ITFG1: variants seen among roughly 807,000 people sequenced by gnomAD.
ITFG1 encodes integrin alpha FG-GAP repeat containing 1, also known as T-cell immunomodulatory protein.
In ITFG1, 34 loss-of-function variants were observed where a neutral mutation model predicts 81.8. The ratio of observed to expected loss-of-function variants is 0.42; its 90% CI spans 0.32 to 0.55. ITFG1 has a LOEUF of 0.55. Ranked by LOEUF, ITFG1 falls within the 20% of genes least tolerant of loss-of-function variation. The pLI, the probability that ITFG1 is intolerant of heterozygous loss-of-function variation, is 0.17. For synonymous variants in ITFG1, 285 were observed against 270.6 expected (o/e 1.05, Z -0.52); for missense variants, 672 against 755.4 (o/e 0.89, Z 1.29).
intron 14 of ITFG1, among the ~76,000 whole-genome samples, chr16:47,187,207 A>G (rs966519313): frequency 6.6e-5 from 10 of 152,252 alleles, no homozygotes; most frequent in Admixed American, 4.6e-4. Flanking sequence ...TACAGATTCA[A>G]TGCCATCCCC....
At chr16:47,331,909 T>C (rs1967642456) in intron 8 of ITFG1, among the ~76,000 whole-genome samples, 1 of 152,180 alleles carries the variant, frequency 6.6e-6, no homozygotes, top group Non-Finnish European at 1.5e-5. Flanking sequence ...CACTTGCAGG[T>C]ATTTTTGATC....
intron 8 of ITFG1, among the ~76,000 whole-genome samples, chr16:47,343,278 G>A (rs1387334754): frequency 6.6e-6 from 1 of 152,038 alleles, no homozygotes; most frequent in African/African-American, 2.4e-5. Context: ...ATTTCCACAT[G>A]AAAAAGGACC....
rs193234630 is a variant in ITFG1 at position 47,368,060 on chromosome 16, C to T, written c.721-2191G>A. On this transcript the variant is annotated intron_variant, in intron 7 of 17. Transcript: ENST00000320640. ...CCATCCTGGCTAACACGGTGAAACCCCGTCTCTACTAAAAATACAAAAAAT... is the reference window on the plus strand; with the variant it reads ...CCATCCTGGCTAACACGGTGAAACCTCGTCTCTACTAAAAATACAAAAAAT... Among the ~76,000 whole-genome samples, 1,245 of 151,708 alleles carry T rather than the reference C, an allele frequency of 8.2e-3. 12 individuals are homozygous for T. The highest frequency in any genetic ancestry group is 0.01 in the Non-Finnish European group (704 of 67,936).
intron 6 of ITFG1, among the ~76,000 whole-genome samples, chr16:47,420,400 T>A (rs1968929976): frequency 6.6e-6 from 1 of 152,198 alleles, no homozygotes; most frequent in Non-Finnish European, 1.5e-5. Flanking sequence ...TTATTGACTG[T>A]CTAGATGATC....
chr16:47,246,940 G>A (rs757646400), intron 12 of ITFG1, among the ~76,000 whole-genome samples: 1 of 151,894 alleles, frequency 6.6e-6, no homozygotes, highest in South Asian at 2.1e-4. Flanking sequence ...GATTACAGGC[G>A]CCTGCCACCA....
chr16:47,248,839 A>G (rs1044799715), intron 12 of ITFG1, among the ~76,000 whole-genome samples: 25 of 152,246 alleles, frequency 1.6e-4, no homozygotes, highest in African/African-American at 5.3e-4. Context: ...TAAAATACAT[A>G]AAGGGCCCAT....
In ITFG1 at chr16:47,359,635, C is replaced by T. The variant is rs1480781395; in HGVS notation, c.802+6153G>A. Among the ~76,000 whole-genome samples, 3 of 152,170 alleles carry T rather than the reference C, an allele frequency of 2.0e-5. No homozygotes were observed. In the East Asian group the frequency reaches 5.8e-4, roughly 29 times the overall value. On this transcript the variant is annotated intron_variant, in intron 8 of 17. Coordinates refer to ENST00000320640, the MANE Select transcript of ITFG1 (RefSeq NM_030790.5). ...GAATAAAATCCAAACTCCTTGTTAC[C>T]TTTGTCCACAAAGCACTACAAGACC...
At chr16:47,206,721 T>G (rs1471587554) in intron 14 of ITFG1, among the ~76,000 whole-genome samples, 1 of 152,218 alleles carries the variant, frequency 6.6e-6, no homozygotes, top group East Asian at 1.9e-4. Context: ...ACCCATTCCA[T>G]AGTAGTCCAT....
At chr16:47,435,208 C>A (rs560964465) in intron 5 of ITFG1, among the ~76,000 whole-genome samples, 4 of 152,282 alleles carry the variant, frequency 2.6e-5, no homozygotes, top group Admixed American at 6.5e-5. Flanking sequence ...AAAAGTTGCT[C>A]TTTGTACAAA....
intron 14 of ITFG1, among the ~76,000 whole-genome samples, chr16:47,172,139 A>C (rs1422400706): frequency 6.6e-6 from 1 of 152,210 alleles, no homozygotes; most frequent in African/African-American, 2.4e-5. Context: ...CTAAATGCTA[A>C]ACATCAATAT....
chr16:47,293,882 A>G (rs1966947075), intron 10 of ITFG1, among the ~76,000 whole-genome samples: 1 of 151,970 alleles, frequency 6.6e-6, no homozygotes, highest in Non-Finnish European at 1.5e-5. Flanking sequence ...TAAGTCCCAT[A>G]TGTCTATTTT....
At chr16:47,346,941 C>T (rs576671277) in intron 8 of ITFG1, among the ~76,000 whole-genome samples, 1 of 152,126 alleles carries the variant, frequency 6.6e-6, no homozygotes, top group Admixed American at 6.5e-5. Flanking sequence ...TCAAAACCAG[C>T]CCAGGACACA....
chr16:47,461,011 G>A lies in ITFG1; in HGVS notation c.35C>T (p.Ala12Val), dbSNP rs1041674428. ...AAAGRLPSSW[A>V]LFSPLLAGLA... ...CCCTGCGAGGAGCGGCGAGAAGAGG[G>A]CCCAGGAGCTCGGGAGCCGGCCCGC... The change falls in exon 1 of 18, where the codon GCC (alanine) becomes GTC (valine). Residue 12 changes from alanine to valine, a missense_variant. Physicochemically the swap from Ala to Val is moderately conservative, Grantham distance 64. This residue lies in a region of ITFG1 where 47 missense variants were observed against 26.4 expected (regional missense o/e 1.78). Transcript: ENST00000320640. 6.4e-6 allele frequency: 10 copies of A among 1,555,052 alleles called. No homozygotes were observed. In the Admixed American group the frequency reaches 7.7e-5, roughly 12 times the overall value.
At chr16:47,207,435 GGCAAGTGCTTTGGCACAAGAT>G (rs1472223903) in intron 14 of ITFG1, among the ~76,000 whole-genome samples, 4 of 152,196 alleles carry the variant, frequency 2.6e-5, no homozygotes, top group African/African-American at 9.7e-5. Flanking sequence ...ATTAGAAGGT[GGCAAGTGCTTTGGCACAAGAT>G]GAAGTACAGA....
chr16:47,241,305 G>C (rs555272844), intron 12 of ITFG1, among the ~76,000 whole-genome samples: 1 of 152,182 alleles, frequency 6.6e-6, no homozygotes, highest in East Asian at 1.9e-4. Flanking sequence ...TATATTCCAA[G>C]AAAAACAAAG....
intron 5 of ITFG1, chr16:47,449,096 T>C (rs920059568): frequency 6.6e-5 from 10 of 152,234 alleles, no homozygotes; most frequent in Admixed American, 1.3e-4. Context: ...CAGATTTGCA[T>C]GTCTGCACTA....
intron 10 of ITFG1, among the ~76,000 whole-genome samples, chr16:47,294,734 G>A (rs538135604): frequency 1.3e-5 from 2 of 152,088 alleles, no homozygotes; most frequent in South Asian, 4.1e-4. Context: ...TACTAGATTT[G>A]TTTATCAAAA....
At chr16:47,446,111 A>G (rs1969321677) in intron 5 of ITFG1, among the ~76,000 whole-genome samples, 1 of 152,248 alleles carries the variant, frequency 6.6e-6, no homozygotes, top group African/African-American at 2.4e-5. Flanking sequence ...TTACTTGATA[A>G]ACATTTAATG....
At chr16:47,385,157 C>T (rs532503301) in intron 6 of ITFG1, among the ~76,000 whole-genome samples, 25 of 152,200 alleles carry the variant, frequency 1.6e-4, no homozygotes, top group South Asian at 8.3e-4. Flanking sequence ...ATTACCAACA[C>T]GTGACATTGT....
Sources: allele counts gnomAD v4.1 joint callset (sites outside exome capture counted in the v4.1 genomes callset), GRCh38; gene constraint gnomAD v4.1.1; regional missense constraint gnomAD v4.1.1; transcripts MANE v1.5; gene names NCBI Gene and HGNC (gene_info 2026-07-23, HGNC 2026-07-21).